Variants in ZNF28 observed in about 807,000 individuals in gnomAD.
ZNF28 encodes the protein zinc finger protein 28.
A neutral mutation model predicts 7.2 loss-of-function variants in ZNF28; 5 were observed. The ratio of observed to expected loss-of-function variants is 0.70; its 90% CI spans 0.36 to 1.46. The LOEUF is 1.46. ZNF28 is among the 40% of genes most tolerant of loss of function. The pLI is 0.03. For synonymous variants in ZNF28, 288 were observed against 292.4 expected, an observed-to-expected ratio of 0.99 and a Z score of 0.15; for missense variants, 879 against 866.6, an observed-to-expected ratio of 1.01 and a Z score of -0.18.
intron 3 of ZNF28, 91 bp from the exon 4 acceptor site, chr19:52,801,793 A>G (rs2062875852): frequency 8.1e-7 from 1 of 1,234,886 alleles, no homozygotes; most frequent in Non-Finnish European, 1.1e-6. Flanking sequence ...AACAATACTT[A>G]TTTTAAACTT....
chr19:52,812,305 C>T (rs1252631131), intron 2 of ZNF28, among the ~76,000 whole-genome samples: 2 of 140,966 alleles, frequency 1.4e-5, no homozygotes, highest in Admixed American at 6.9e-5. Context: ...ATGACAATGG[C>T]GGTTTTGTGG....
At position 52,810,780 on chromosome 19, in the gene ZNF28, C is replaced by A. The variant is rs8101411; in HGVS notation, c.16-2647G>T. The A allele has an allele frequency of 8.3e-5, 32 of 387,270 alleles. No individual in the cohort carries two copies. In the South Asian group the frequency reaches 8.8e-4, roughly 11 times the overall value. 24.0% of individuals were successfully genotyped at this position (387,270 alleles called of 1,614,324 possible). On this transcript the variant is annotated intron_variant, in intron 2 of 3. Transcript: ENST00000457749. ...GAAAAAAAAAGAATAAAAAAAAACC[C>A]AAAAAAAACAGAAGATGACCTTGAT...
At chr19:52,818,469 C>T (rs2063154848) in intron 1 of ZNF28, among the ~76,000 whole-genome samples, 1 of 151,986 alleles carries the variant, frequency 6.6e-6, no homozygotes, top group Admixed American at 6.6e-5. Flanking sequence ...TACCAACACT[C>T]TGAAAGGCCG....
At chr19:52,806,904 A>G (rs1050839016) in intron 3 of ZNF28, among the ~76,000 whole-genome samples, 9 of 152,206 alleles carry the variant, frequency 5.9e-5, no homozygotes, top group Admixed American at 2.6e-4. Context: ...TCTGTCATAA[A>G]AAAAGAGAGA....
intron 3 of ZNF28, among the ~76,000 whole-genome samples, chr19:52,803,766 G>A (rs1372426125): frequency 6.6e-6 from 1 of 152,052 alleles, no homozygotes; most frequent in Non-Finnish European, 1.5e-5. Flanking sequence ...AGACCAGCCT[G>A]GGCAACATGG....
intron 2 of ZNF28, chr19:52,809,944 CG>C (rs139263815): frequency 1.8e-5 from 15 of 850,360 alleles, no homozygotes; most frequent in Non-Finnish European, 2.7e-5. Flanking sequence ...GAGGTTGCCC[CG>C]GGGGGCGCAG....
Position 52,813,509 on chromosome 19 carries a change from G to A in ZNF28, c.15+4435C>T, listed in dbSNP as rs1372750485. Among the ~76,000 whole-genome samples, 147 of 122,732 alleles carry A rather than the reference G, an allele frequency of 1.2e-3. 24 individuals are homozygous for A. Among genetic ancestry groups the A allele is most frequent in the African/African-American group, 5.1e-3 (134 of 26,066 alleles). 80.5% of individuals were successfully genotyped at this position (122,732 alleles called of 152,430 possible). ...GGTAGGAGGTTTTTTTTTTTACCCA[G>A]GGCTCTGGAAGGACACCAGACTGTT... On this transcript the variant is annotated intron_variant, in intron 2 of 3. Coordinates refer to ENST00000457749, the MANE Select transcript of ZNF28 (RefSeq NM_006969.5).
At position 52,819,511 on chromosome 19, in the gene ZNF28, T is replaced by C. The variant is rs1439605181; in HGVS notation, c.-73-1480A>G. On this transcript the variant is annotated intron_variant, in intron 1 of 3. Coordinates refer to ENST00000457749, the MANE Select transcript of ZNF28 (RefSeq NM_006969.5). ...CCAGACACCCACTCTATTTTGCCAATCATTTCAGTGGCCAGGGTCACTCGG... is the reference window on the plus strand; with the variant it reads ...CCAGACACCCACTCTATTTTGCCAACCATTTCAGTGGCCAGGGTCACTCGG... Among the ~76,000 whole-genome samples, 4 of 78,140 alleles carry C rather than the reference T, an allele frequency of 5.1e-5. 1 individual carries two copies. The South Asian group carries it at 1.2e-3, about 24-fold the overall frequency. 51.3% of individuals were successfully genotyped at this position (78,140 alleles called of 152,430 possible).
intron 3 of ZNF28, among the ~76,000 whole-genome samples, chr19:52,806,775 G>A (rs899419682): frequency 6.6e-6 from 1 of 151,958 alleles, no homozygotes; most frequent in African/African-American, 2.4e-5. Flanking sequence ...GGTGGTGAGC[G>A]CCTGCAGTTC....
chr19:52,820,133 C>T (rs1261467327), intron 1 of ZNF28, among the ~76,000 whole-genome samples: 1 of 88,676 alleles, frequency 1.1e-5, no homozygotes, highest in Non-Finnish European at 2.2e-5. Flanking sequence ...TTTTTTGAGA[C>T]GGAGTCTCGC....
intron 2 of ZNF28, among the ~76,000 whole-genome samples, chr19:52,815,081 ATGTGTGTG>A (rs1222156919): frequency 5.6e-5 from 6 of 106,502 alleles, no homozygotes; most frequent in Non-Finnish European, 1.2e-4. Context: ...ATATGTGTGT[ATGTGTGTG>A]TATATATATA....
At chr19:52,820,189 C>T (rs1383878897) in intron 1 of ZNF28, among the ~76,000 whole-genome samples, 1 of 112,470 alleles carries the variant, frequency 8.9e-6, no homozygotes, top group Non-Finnish European at 1.8e-5. Flanking sequence ...GCAATCTCGG[C>T]TCACTGCAAG....
rs187106648 is a variant in ZNF28, at chr19:52,801,484, C to A, written c.361G>T (p.Gly121Cys). The change falls in exon 4 of 4, where the codon GGT (glycine) becomes TGT (cysteine). Residue 121 changes from glycine to cysteine, a missense_variant. By Grantham distance (159) the Gly-to-Cys change is radical. Transcript: ENST00000457749. ...APMTEIKELT[G>C]STGQHDQRHA... is the part of the protein sequence containing the mutation. The stretch of plus-strand genomic sequence containing the variant: ...CTTTGATCATGTTGGCCTGTACTAC[C>A]AGTCAACTCTTTGATTTCTGTCATG... The A allele has an allele frequency of 2.8e-5, 46 of 1,614,124 alleles. No individual in the cohort carries two copies. In the East Asian group the frequency reaches 8.2e-4, roughly 29 times the overall value.
chr19:52,798,348 A>G lies in ZNF28; in HGVS notation c.*1340T>C, dbSNP rs1316572778. On this transcript the variant is annotated 3_prime_UTR_variant, in exon 4 of 4. Transcript: ENST00000457749. ...TAATGTCAATTAATGCTTAAACTCA[A>G]TGTTAAGTCAACTCAAACTCAGGTC... 3 of 340,040 alleles carry G rather than the reference A, an allele frequency of 8.8e-6. No individual in the cohort carries two copies. In the East Asian group the frequency reaches 2.6e-4, roughly 29 times the overall value. The allele number at this position is 340,040 out of a possible 1,614,324, so 21.1% of individuals were successfully genotyped here.
intron 2 of ZNF28, chr19:52,810,754 G>GT: frequency 1.9e-6 from 1 of 533,226 alleles, no homozygotes; most frequent in Non-Finnish European, 3.2e-6. Flanking sequence ...GGAAAGAAGG[G>GT]GAAAAAAAAA....
At position 52,819,711 on chromosome 19, in the gene ZNF28, C is replaced by T. The variant is rs888109030; in HGVS notation, c.-73-1680G>A. On this transcript the variant is annotated intron_variant, in intron 1 of 3. Transcript: ENST00000457749. ...GGCTAATGGGATGGACTGGTCTTAT[C>T]ATCCCATCCTTAAAATTAGAGAAGC... Among the ~76,000 whole-genome samples, 4 of 143,002 alleles carry T rather than the reference C, an allele frequency of 2.8e-5. 1 individual carries two copies. The highest frequency in any genetic ancestry group is 1.4e-4 in the Admixed American group (2 of 14,346). The allele number at this position is 143,002 out of a possible 152,430, so 93.8% of individuals were successfully genotyped here. A position where few individuals can be genotyped will look rare whatever the true frequency, so the allele number is the denominator to read the frequency against.
chr19:52,811,700 C>T (rs2063044198), intron 2 of ZNF28, among the ~76,000 whole-genome samples: 1 of 149,006 alleles, frequency 6.7e-6, no homozygotes, highest in Non-Finnish European at 1.5e-5. Context: ...GTCCGGCAAC[C>T]ACCCCGTCTG....
intron 2 of ZNF28, chr19:52,809,711 C>A: frequency 2.6e-6 from 1 of 389,876 alleles, no homozygotes; most frequent in Non-Finnish European, 4.5e-6. Flanking sequence ...GAGGCTGAGG[C>A]AGCAAAACGC....
At chr19:52,810,683 C>T (rs560698347) in intron 2 of ZNF28, 151 of 862,294 alleles carry the variant, frequency 1.8e-4, no homozygotes, top group Non-Finnish European at 2.8e-4. Context: ...CGGGCTAGAG[C>T]GACATCACGG....
Sources: gnomAD v4.1 joint callset for allele counts (sites outside exome capture counted in the v4.1 genomes callset) on GRCh38, gnomAD v4.1.1 for gene constraint, MANE v1.5 for transcripts, NCBI Gene and HGNC (gene_info 2026-07-23, HGNC 2026-07-21) for gene names.